SLC24A3: variants seen among roughly 807,000 people sequenced by gnomAD.
SLC24A3 encodes sodium/potassium/calcium exchanger 3.
In SLC24A3, 28 loss-of-function variants were observed where a neutral mutation model predicts 75.8. The observed-to-expected ratio is 0.37, with a 90% confidence interval of 0.27 to 0.51. The LOEUF (loss-of-function observed/expected upper bound fraction) is 0.51. Ranked by LOEUF, SLC24A3 falls within the 20% of genes least tolerant of loss-of-function variation. The probability of loss-of-function intolerance (pLI) is 0.94; values close to 1 mark genes in which losing one functional copy is unlikely to be tolerated. For synonymous variants in SLC24A3, 372 were observed against 334.1 expected (o/e 1.11, Z -1.24); for missense variants, 663 against 847.8 (o/e 0.78, Z 2.71).
chr20:19,698,452 G>A (rs573713660), intron 14 of SLC24A3, 116 bp from the exon 15 acceptor site: 1 of 645,088 alleles, frequency 1.6e-6, no homozygotes, highest in South Asian at 2.0e-5. Flanking sequence ...TGAAAGAGAA[G>A]CACATATGTG....
At chr20:19,303,307 A>C (rs895922939) in intron 2 of SLC24A3, among the ~76,000 whole-genome samples, 2 of 151,884 alleles carry the variant, frequency 1.3e-5, no homozygotes, top group Admixed American at 1.3e-4. Context: ...AATGGCCTCC[A>C]CCTCCATCCA....
At chr20:19,617,721 C>T (rs1188049050) in intron 6 of SLC24A3, among the ~76,000 whole-genome samples, 1 of 152,196 alleles carries the variant, frequency 6.6e-6, no homozygotes, top group Non-Finnish European at 1.5e-5. Context: ...TCCTAAACCT[C>T]ATATTCCCAG....
chr20:19,307,263 T>C (rs959590224), intron 2 of SLC24A3, among the ~76,000 whole-genome samples: 1 of 152,114 alleles, frequency 6.6e-6, no homozygotes, highest in African/African-American at 2.4e-5. Flanking sequence ...TAGTACCGGG[T>C]GTGTGATCAA....
intron 2 of SLC24A3, among the ~76,000 whole-genome samples, chr20:19,333,844 T>G (rs1985062041): frequency 1.3e-5 from 2 of 152,268 alleles, no homozygotes; most frequent in Non-Finnish European, 2.9e-5. Context: ...GACTTGGTCT[T>G]TGATTTTTGA....
chr20:19,500,699 C>T (rs1235741044), intron 2 of SLC24A3, among the ~76,000 whole-genome samples: 1 of 152,128 alleles, frequency 6.6e-6, no homozygotes, highest in Non-Finnish European at 1.5e-5. Flanking sequence ...GAAAATTCTG[C>T]TAAGTTATTT....
intron 2 of SLC24A3, among the ~76,000 whole-genome samples, chr20:19,450,894 G>A (rs964907452): frequency 6.6e-6 from 1 of 152,196 alleles, no homozygotes; most frequent in Non-Finnish European, 1.5e-5. Flanking sequence ...AGCTACTAAG[G>A]AGACTGAGGC....
At chr20:19,441,273 C>G (rs1256645686) in intron 2 of SLC24A3, among the ~76,000 whole-genome samples, 1 of 152,154 alleles carries the variant, frequency 6.6e-6, no homozygotes, top group Non-Finnish European at 1.5e-5. Flanking sequence ...GGCATCCCAC[C>G]TAGGGGCCGG....
rs758426927 is a variant in SLC24A3, at chr20:19,580,494, C to T, written c.423+420C>T. On this transcript the variant is annotated intron_variant, in intron 4 of 16. Coordinates refer to ENST00000328041, the MANE Select transcript of SLC24A3 (RefSeq NM_020689.4). ...CCTCGCAGGATTAAAAACCTCCAACCGCATACCTCTGCCATGCTTCCTCTC... is the reference window on the plus strand; with the variant it reads ...CCTCGCAGGATTAAAAACCTCCAACTGCATACCTCTGCCATGCTTCCTCTC... Among the ~76,000 whole-genome samples the T allele has an allele frequency of 3.3e-5, 5 of 152,044 alleles. No individual in the cohort carries two copies. The East Asian group carries it at 9.7e-4, about 29-fold the overall frequency.
At chr20:19,429,396 G>A (rs1397932424) in intron 2 of SLC24A3, among the ~76,000 whole-genome samples, 1 of 152,234 alleles carries the variant, frequency 6.6e-6, no homozygotes, top group African/African-American at 2.4e-5. Context: ...GCAGCATAAT[G>A]CTGAAACTCT....
chr20:19,578,602 G>T (rs1277380151), intron 3 of SLC24A3, among the ~76,000 whole-genome samples: 2 of 152,000 alleles, frequency 1.3e-5, no homozygotes, highest in Non-Finnish European at 2.9e-5. Flanking sequence ...GGTCATGTGT[G>T]TGCGCCCTGT....
chr20:19,570,186 A>G (rs2031030383), intron 3 of SLC24A3, among the ~76,000 whole-genome samples: 1 of 152,124 alleles, frequency 6.6e-6, no homozygotes, highest in Non-Finnish European at 1.5e-5. Flanking sequence ...ACATCTTCAC[A>G]TGGCCAGGAG....
chr20:19,511,619 G>A (rs529913307), intron 2 of SLC24A3, among the ~76,000 whole-genome samples: 7 of 152,196 alleles, frequency 4.6e-5, no homozygotes, highest in African/African-American at 7.2e-5. Context: ...GAGCCACCGC[G>A]CCCGGCCTGG....
intron 1 of SLC24A3, among the ~76,000 whole-genome samples, chr20:19,219,937 G>C (rs1981661586): frequency 1.3e-5 from 2 of 152,184 alleles, no homozygotes; most frequent in Admixed American, 1.3e-4. Context: ...CCTGGTTATA[G>C]GAATAGACCC....
In SLC24A3 at chr20:19,573,102, G is replaced by A. The variant is rs548621218; in HGVS notation, c.349-6898G>A. On this transcript the variant is annotated intron_variant, in intron 3 of 16. Coordinates refer to ENST00000328041, the MANE Select transcript of SLC24A3 (RefSeq NM_020689.4). The stretch of plus-strand genomic sequence containing the variant: ...CCTTCACTGAAATTAAAGACAGAGA[G>A]ACAGGAGTGCAGATGATGTAGTAAA... Among the ~76,000 whole-genome samples, 3 of 152,288 alleles carry A rather than the reference G, an allele frequency of 2.0e-5. No individual in the cohort carries two copies. In the South Asian group the frequency reaches 6.2e-4, roughly 32 times the overall value.
At chr20:19,321,297 A>G (rs1195397922) in intron 2 of SLC24A3, among the ~76,000 whole-genome samples, 1 of 152,160 alleles carries the variant, frequency 6.6e-6, no homozygotes, top group Non-Finnish European at 1.5e-5. Context: ...AAACAATACA[A>G]GTAAGGTTTT....
At chr20:19,672,490 C>T (rs1190392331) in intron 8 of SLC24A3, among the ~76,000 whole-genome samples, 1 of 152,054 alleles carries the variant, frequency 6.6e-6, no homozygotes, top group African/African-American at 2.4e-5. Context: ...GGCACACCAC[C>T]ATACCTGGCT....
chr20:19,693,612 T>C (rs6046254), intron 13 of SLC24A3, 187 bp downstream of exon 13: 1 of 652,766 alleles, frequency 1.5e-6, no homozygotes, highest in Non-Finnish European at 2.4e-6. Context: ...CACGTCTTCA[T>C]GTTGACTGTG....
chr20:19,509,743 G>A (rs764181259), intron 2 of SLC24A3, among the ~76,000 whole-genome samples: 3 of 152,238 alleles, frequency 2.0e-5, no homozygotes, highest in Non-Finnish European at 4.4e-5. Context: ...GACTTATCAG[G>A]CATCTGCTGT....
intron 9 of SLC24A3, among the ~76,000 whole-genome samples, chr20:19,675,258 C>T (rs2032509886): frequency 6.6e-6 from 1 of 152,156 alleles, no homozygotes; most frequent in African/African-American, 2.4e-5. Flanking sequence ...CCCATGTTTC[C>T]CCAACATATG....
Sources: allele counts gnomAD v4.1 joint callset (sites outside exome capture counted in the v4.1 genomes callset), GRCh38; gene constraint gnomAD v4.1.1; transcripts MANE v1.5; gene names NCBI Gene and HGNC (gene_info 2026-07-23, HGNC 2026-07-21).